B3GALT1: variants seen among roughly 807,000 people sequenced by gnomAD.
B3GALT1 encodes the protein UDP-Gal:betaGlcNAc beta 1,3-galactosyltransferase, polypeptide 1.
A neutral mutation model predicts 23.2 loss-of-function variants in B3GALT1; 10 were observed. The ratio of observed to expected loss-of-function variants is 0.43; its 90% CI spans 0.27 to 0.73. The LOEUF (loss-of-function observed/expected upper bound fraction) is 0.73. B3GALT1 is among the 30% of genes least tolerant of loss of function. The pLI is 0.21. For synonymous variants in B3GALT1, 156 were observed against 141.5 expected, an observed-to-expected ratio of 1.10 and a Z score of -0.73; for missense variants, 299 against 405.4, an observed-to-expected ratio of 0.74 and a Z score of 2.25.
chr2:167,504,232 G>T (rs949415702), intron 2 of B3GALT1, among the ~76,000 whole-genome samples: 2 of 152,150 alleles, frequency 1.3e-5, no homozygotes, highest in African/African-American at 4.8e-5. Context: ...CTATTATTTA[G>T]TTGGCCTTGT....
chr2:167,398,727 T>C (rs1698139780), intron 1 of B3GALT1, among the ~76,000 whole-genome samples: 1 of 152,170 alleles, frequency 6.6e-6, no homozygotes, highest in African/African-American at 2.4e-5. Context: ...TATCATTCAC[T>C]GAACCACTCA....
chr2:167,718,185 C>A (rs1687180420), intron 3 of B3GALT1, among the ~76,000 whole-genome samples: 1 of 151,840 alleles, frequency 6.6e-6, no homozygotes, highest in Non-Finnish European at 1.5e-5. Context: ...AAAGGAAGAG[C>A]AACTTTCTCA....
chr2:167,828,381 A>G (rs145530253), intron 4 of B3GALT1, among the ~76,000 whole-genome samples: 31 of 152,332 alleles, frequency 2.0e-4, no homozygotes, highest in African/African-American at 7.5e-4. Context: ...TGAATTAATA[A>G]ACACCACTTC....
At chr2:167,470,809 CTG>C (rs1472382098) in intron 1 of B3GALT1, among the ~76,000 whole-genome samples, 1 of 152,176 alleles carries the variant, frequency 6.6e-6, no homozygotes. Flanking sequence ...ATTTAAAGAA[CTG>C]TGCAAAGCAC....
chr2:167,793,197 G>A (rs1002304795), intron 3 of B3GALT1, among the ~76,000 whole-genome samples: 2 of 152,072 alleles, frequency 1.3e-5, no homozygotes, highest in African/African-American at 4.8e-5. Flanking sequence ...ACAGGATAGT[G>A]CCCACAGTTC....
At chr2:167,573,981 T>C (rs1366633265) in intron 2 of B3GALT1, among the ~76,000 whole-genome samples, 1 of 151,656 alleles carries the variant, frequency 6.6e-6, no homozygotes, top group African/African-American at 2.4e-5. Context: ...AGAGTAACAA[T>C]ATGGGATCCA....
chr2:167,586,824 A>G (rs1684592147), intron 2 of B3GALT1, among the ~76,000 whole-genome samples: 1 of 152,176 alleles, frequency 6.6e-6, no homozygotes, highest in South Asian at 2.1e-4. Context: ...GAGAAGGAAA[A>G]CACAAGGGCG....
intron 4 of B3GALT1, among the ~76,000 whole-genome samples, chr2:167,860,112 G>A (rs749573615): frequency 6.6e-6 from 1 of 152,144 alleles, no homozygotes; most frequent in Non-Finnish European, 1.5e-5. Context: ...CCAAATTAAT[G>A]CAGCCAACTA....
At chr2:167,866,826 C>A (rs959239542) in intron 4 of B3GALT1, among the ~76,000 whole-genome samples, 2 of 152,216 alleles carry the variant, frequency 1.3e-5, no homozygotes, top group Non-Finnish European at 2.9e-5. Context: ...GATACATAGC[C>A]TAGGACAATG....
chr2:167,749,992 A>G (rs541628752), intron 3 of B3GALT1, among the ~76,000 whole-genome samples: 2 of 152,324 alleles, frequency 1.3e-5, no homozygotes, highest in South Asian at 4.1e-4. Flanking sequence ...AAAAAATAAG[A>G]AAATTTGGCA....
chr2:167,802,947 A>G (rs1688665955), intron 3 of B3GALT1, among the ~76,000 whole-genome samples: 1 of 152,160 alleles, frequency 6.6e-6, no homozygotes, highest in South Asian at 2.1e-4. Context: ...ATATATTCAC[A>G]TTGGAAAAAA....
chr2:167,515,362 T>G (rs1042185967), intron 2 of B3GALT1, among the ~76,000 whole-genome samples: 1 of 152,120 alleles, frequency 6.6e-6, no homozygotes, highest in Non-Finnish European at 1.5e-5. Context: ...AAACAAATAC[T>G]TCAGATGGAG....
At chr2:167,620,849 A>G (rs115115169) in intron 2 of B3GALT1, among the ~76,000 whole-genome samples, 1,763 of 152,112 alleles carry the variant, frequency 0.012, 15 homozygotes, top group South Asian at 0.04. Flanking sequence ...TTAAATCATT[A>G]TCTGTCAGAA....
rs1377882155 is a variant in B3GALT1, at chr2:167,872,886, G to A, written c.*2866G>A. On this transcript the variant is annotated 3_prime_UTR_variant, in exon 5 of 5. Coordinates refer to ENST00000392690, the MANE Select transcript of B3GALT1 (RefSeq NM_020981.4). ...TATGTATAGCTAGAATCTGCTTGCT[G>A]TGTAACCTTTTCTTCTGCATGGAGC... The A allele has an allele frequency of 2.0e-5, 3 of 152,150 alleles. No individual in the cohort carries two copies. Among genetic ancestry groups the A allele is most frequent in the African/African-American group, 7.2e-5 (3 of 41,440 alleles). The allele number at this position is 152,150 out of a possible 1,614,324, so 9.4% of individuals were successfully genotyped here. A position where few individuals can be genotyped will look rare whatever the true frequency, so the allele number is the denominator to read the frequency against.
At chr2:167,318,155 C>T (rs1232753196) in intron 1 of B3GALT1, among the ~76,000 whole-genome samples, 4 of 151,854 alleles carry the variant, frequency 2.6e-5, no homozygotes, top group African/African-American at 4.8e-5. Flanking sequence ...GAGGAAACCC[C>T]GTCTCTACTA....
intron 1 of B3GALT1, among the ~76,000 whole-genome samples, chr2:167,368,571 T>C (rs1697627588): frequency 6.6e-6 from 1 of 152,192 alleles, no homozygotes; most frequent in South Asian, 2.1e-4. Flanking sequence ...GCATTTGCTG[T>C]ACATGATTCA....
chr2:167,697,562 T>A (rs1277052426), intron 3 of B3GALT1, among the ~76,000 whole-genome samples: 1 of 152,204 alleles, frequency 6.6e-6, no homozygotes, highest in Non-Finnish European at 1.5e-5. Flanking sequence ...AGTCCTAGTT[T>A]ATGTGCCTGT....
chr2:167,749,391 T>G (rs1029153932), intron 3 of B3GALT1, among the ~76,000 whole-genome samples: 6 of 152,164 alleles, frequency 3.9e-5, no homozygotes, highest in Admixed American at 2.0e-4. Flanking sequence ...GATTTTCACC[T>G]CTCAATATAG....
At chr2:167,530,489 A>G (rs978712321) in intron 2 of B3GALT1, among the ~76,000 whole-genome samples, 1 of 152,194 alleles carries the variant, frequency 6.6e-6, no homozygotes, top group African/African-American at 2.4e-5. Context: ...CAGTATATAC[A>G]TGCTGCTGGA....
Sources: allele counts gnomAD v4.1 joint callset (sites outside exome capture counted in the v4.1 genomes callset), GRCh38; gene constraint gnomAD v4.1.1; transcripts MANE v1.5; gene names NCBI Gene and HGNC (gene_info 2026-07-23, HGNC 2026-07-21).